CFAP299: variants seen among roughly 807,000 people sequenced by gnomAD.
CFAP299 encodes the protein cilia- and flagella-associated protein 299.
Under a neutral mutation model 27.0 loss-of-function variants are expected in CFAP299, and 21 were observed. That is an observed-to-expected ratio of 0.78 (90% CI 0.55 to 1.12). The LOEUF is 1.12. Ranked by LOEUF, CFAP299 falls within the 50% of genes most tolerant of loss-of-function variation. The pLI is 0.00. For missense variants in CFAP299, 310 were observed against 276.6 expected (o/e 1.12, Z -0.86); for synonymous variants, 104 against 98.1 (o/e 1.06, Z -0.36).
intron 2 of CFAP299, among the ~76,000 whole-genome samples, chr4:80,542,165 G>A (rs1734026558): frequency 1.3e-5 from 2 of 152,154 alleles, no homozygotes; most frequent in Non-Finnish European, 2.9e-5. Flanking sequence ...CAGCCTCCCA[G>A]CGGCTCTCAG....
At position 80,373,429 on chromosome 4, in the gene CFAP299, T is replaced by C. The variant is rs530241488; in HGVS notation, c.242+10545T>C. On this transcript the variant is annotated intron_variant, in intron 2 of 5. Transcript: ENST00000358105. ...TGCAATGAATACTTGCTATGGTGAA[T>C]ACTGCATGTGGTCACATATTTAGTC... is the stretch of plus-strand genomic sequence containing the variant. Among the ~76,000 whole-genome samples the C allele has an allele frequency of 2.6e-5, 4 of 152,284 alleles. No individual in the cohort carries two copies. In the South Asian group the frequency reaches 8.3e-4, roughly 32 times the overall value.
chr4:80,462,888 T>A (rs1044565460), intron 2 of CFAP299, among the ~76,000 whole-genome samples: 13 of 152,092 alleles, frequency 8.5e-5, no homozygotes, highest in East Asian at 3.9e-4. Flanking sequence ...AGGGGATTTT[T>A]AAAAAAAATC....
intron 3 of CFAP299, among the ~76,000 whole-genome samples, chr4:80,751,102 T>C (rs955132524): frequency 1.3e-5 from 2 of 152,146 alleles, no homozygotes; most frequent in Non-Finnish European, 2.9e-5. Context: ...CACTCTGACT[T>C]TTTGAGTTTC....
At chr4:80,578,754 G>C (rs1030991475) in intron 2 of CFAP299, among the ~76,000 whole-genome samples, 7 of 152,116 alleles carry the variant, frequency 4.6e-5, no homozygotes, top group African/African-American at 1.7e-4. Context: ...CTAAACAGTT[G>C]ATAAATGAGT....
At chr4:80,605,683 A>G (rs1209010665) in intron 3 of CFAP299, among the ~76,000 whole-genome samples, 2 of 152,220 alleles carry the variant, frequency 1.3e-5, no homozygotes, top group African/African-American at 4.8e-5. Flanking sequence ...CTCCTATTTA[A>G]TAACATTGTC....
intron 2 of CFAP299, among the ~76,000 whole-genome samples, chr4:80,535,141 A>C (rs1733662813): frequency 6.7e-6 from 1 of 150,044 alleles, no homozygotes; most frequent in Non-Finnish European, 1.5e-5. Context: ...AGCACCCATC[A>C]TAAAAATATA....
intron 2 of CFAP299, among the ~76,000 whole-genome samples, chr4:80,578,115 G>A (rs1027017065): frequency 8.2e-4 from 125 of 152,278 alleles, no homozygotes; most frequent in African/African-American, 2.9e-3. Context: ...GTGCAGTGGA[G>A]TATGAACAAT....
chr4:80,913,400 A>G (rs1004879501), intron 4 of CFAP299, among the ~76,000 whole-genome samples: 2 of 152,222 alleles, frequency 1.3e-5, no homozygotes, highest in Non-Finnish European at 2.9e-5. Context: ...ATATATCTTA[A>G]CATACAATAC....
chr4:80,527,184 T>C (rs1372603887), intron 2 of CFAP299, among the ~76,000 whole-genome samples: 1 of 152,180 alleles, frequency 6.6e-6, no homozygotes, highest in Non-Finnish European at 1.5e-5. Context: ...TGAAATGTGC[T>C]CCTCAGTACC....
At chr4:80,913,512 G>A (rs73829196) in intron 4 of CFAP299, among the ~76,000 whole-genome samples, 16,748 of 152,176 alleles carry the variant, frequency 0.11, 1,837 homozygotes, top group African/African-American at 0.27. Flanking sequence ...AAGAGTGTTT[G>A]AGGAGAGAGA....
chr4:80,387,638 A>G (rs1725088984), intron 2 of CFAP299: 5 of 1,505,506 alleles, frequency 3.3e-6, no homozygotes, highest in East Asian at 2.3e-5. Flanking sequence ...CCTGAAGGCC[A>G]TACCTTGTGG....
chr4:80,352,762 A>C (rs1436027354), intron 1 of CFAP299, among the ~76,000 whole-genome samples: 1 of 152,172 alleles, frequency 6.6e-6, no homozygotes, highest in Non-Finnish European at 1.5e-5. Flanking sequence ...CTATAGGAAT[A>C]TACCCCTCAA....
intron 2 of CFAP299, chr4:80,387,148 G>A (rs113929726): frequency 1.0e-5 from 14 of 1,375,330 alleles, no homozygotes; most frequent in South Asian, 1.2e-5. Flanking sequence ...ACTTGTAGAC[G>A]GCACTGCCCT....
chr4:80,799,859 A>T (rs1560417671), intron 3 of CFAP299, among the ~76,000 whole-genome samples: 2 of 30,310 alleles, frequency 6.6e-5, no homozygotes, highest in African/African-American at 3.6e-4. Flanking sequence ...ATATATAAAT[A>T]TATATTATAT....
chr4:80,603,326 T>A (rs1216398795), intron 3 of CFAP299, among the ~76,000 whole-genome samples: 1 of 152,210 alleles, frequency 6.6e-6, no homozygotes, highest in African/African-American at 2.4e-5. Flanking sequence ...AAATACATGG[T>A]GCAAAATATC....
At position 80,583,161 on chromosome 4, in the gene CFAP299, A is replaced by T. The variant is rs770100756; in HGVS notation, c.311A>T (p.Asp104Val). Residue 104 changes from aspartate to valine, a missense_variant, in exon 3 of 6, where the codon GAC becomes GTC. Coordinates refer to ENST00000358105, the MANE Select transcript of CFAP299 (RefSeq NM_152770.3). ...FLTALAMREE[D>V]NRSGKLSSVI... Reference sequence around the variant, plus strand: ...ACGGCCCTGGCAATGAGAGAAGAAGACAATCGCAGTGGAAAACTGAGTGTA... The same window carrying T: ...ACGGCCCTGGCAATGAGAGAAGAAGTCAATCGCAGTGGAAAACTGAGTGTA... 7 of 1,605,308 alleles carry T rather than the reference A, an allele frequency of 4.4e-6. No individual in the cohort carries two copies. The Admixed American group carries it at 8.4e-5, about 19-fold the overall frequency.
At chr4:80,832,694 G>A (rs909469353) in intron 3 of CFAP299, among the ~76,000 whole-genome samples, 13 of 152,052 alleles carry the variant, frequency 8.5e-5, no homozygotes, top group South Asian at 2.1e-4. Flanking sequence ...GAGGTATAGC[G>A]TTTATTATCA....
chr4:80,525,697 C>T (rs1358083815), intron 2 of CFAP299, among the ~76,000 whole-genome samples: 2 of 152,162 alleles, frequency 1.3e-5, no homozygotes, highest in South Asian at 2.1e-4. Context: ...CAGCTTCTTT[C>T]AGATCCTTGG....
chr4:80,831,091 G>C (rs1438220040), intron 3 of CFAP299, among the ~76,000 whole-genome samples: 1 of 152,110 alleles, frequency 6.6e-6, no homozygotes, highest in African/African-American at 2.4e-5. Flanking sequence ...ATACTACCTA[G>C]ACAGTCTCTT....
Sources: allele counts gnomAD v4.1 joint callset (sites outside exome capture counted in the v4.1 genomes callset), GRCh38; gene constraint gnomAD v4.1.1; transcripts MANE v1.5; gene names NCBI Gene and HGNC (gene_info 2026-07-23, HGNC 2026-07-21).